ZNF559: variants seen among roughly 807,000 people sequenced by gnomAD.
The protein encoded by ZNF559 is zinc finger protein 559.
A neutral mutation model predicts 14.2 loss-of-function variants in ZNF559; 17 were observed. The ratio of observed to expected loss-of-function variants is 1.20; its 90% confidence interval spans 0.82 to 1.80. The LOEUF is 1.80. Among genes scored for constraint, ZNF559 ranks in the 40% most tolerant of loss-of-function variants. ZNF559 has a pLI of 0.00. For missense variants in ZNF559, 740 were observed against 629.7 expected (o/e 1.18, Z -1.88); for synonymous variants, 244 against 212.4 (o/e 1.15, Z -1.29).
intron 4 of ZNF559, 135 bp downstream of exon 4, chr19:9,338,717 C>T (rs533910910): frequency 1.2e-4 from 78 of 648,340 alleles, no homozygotes; most frequent in Middle Eastern, 3.2e-4. Flanking sequence ...CAAACTTCTT[C>T]GGACCACAGG....
intron 2 of ZNF559, among the ~76,000 whole-genome samples, chr19:9,326,266 C>T (rs1263287872): frequency 6.1e-4 from 93 of 152,148 alleles, no homozygotes; most frequent in East Asian, 5.8e-4. Flanking sequence ...TGTGCCACCA[C>T]GCCCGGCTAA....
Position 9,343,849 on chromosome 19 carries a change from CCT to C in ZNF559, c.*782_*783del. 1 of 964,202 alleles carries C rather than the reference CCT, an allele frequency of 1.0e-6. No homozygotes were observed. Among genetic ancestry groups the C allele is most frequent in the Non-Finnish European group, 1.2e-6 (1 of 810,710 alleles). The allele number at this position is 964,202 out of a possible 1,614,324, so 59.7% of individuals were successfully genotyped here. On this transcript the variant is annotated 3_prime_UTR_variant, in exon 7 of 7. Transcript: ENST00000603380. Reference sequence around the variant, plus strand: ...AAAAATATCTAGCTGGTCTGAAGATCCTGAGTTATCTCAATTGTTCACGGTTA... The same window carrying C: ...AAAAATATCTAGCTGGTCTGAAGATCGAGTTATCTCAATTGTTCACGGTTA...
chr19:9,332,886 G>A (rs997083382), intron 2 of ZNF559: 3 of 152,174 alleles, frequency 2.0e-5, no homozygotes, highest in African/African-American at 4.8e-5. Flanking sequence ...TTGTAGTTAT[G>A]TGGCTTGTGT....
Position 9,324,544 on chromosome 19 carries a change from A to G in ZNF559, c.-205-151A>G, listed in dbSNP as rs980231107. 4.9e-6 allele frequency: 6 copies of G among 1,226,206 alleles called. No individual in the cohort carries two copies. The African/African-American group carries it at 9.4e-5, about 19-fold the overall frequency. The allele number at this position is 1,226,206 out of a possible 1,614,324, so 76.0% of individuals were successfully genotyped here. On this transcript the variant is annotated intron_variant, in intron 1 of 6. Coordinates refer to ENST00000603380, the MANE Select transcript of ZNF559 (RefSeq NM_032497.3). ...GCGGCGGCTCACGCCTGTCATTCCC[A>G]GCGCTTTGGGCGGATTGGGTAGGAG...
At chr19:9,335,357 C>G (rs1328529825) in intron 2 of ZNF559, among the ~76,000 whole-genome samples, 3 of 151,840 alleles carry the variant, frequency 2.0e-5, no homozygotes, top group Non-Finnish European at 4.4e-5. Flanking sequence ...GTCCTAGCTA[C>G]TCAGAAAGCT....
chr19:9,337,022 C>T (rs1016618442), intron 2 of ZNF559, among the ~76,000 whole-genome samples: 1 of 152,166 alleles, frequency 6.6e-6, no homozygotes, highest in African/African-American at 2.4e-5. Flanking sequence ...AGAAACCAGG[C>T]TTCTCTCCCA....
intron 2 of ZNF559, among the ~76,000 whole-genome samples, chr19:9,325,248 C>T (rs1458692417): frequency 1.3e-5 from 2 of 150,230 alleles, no homozygotes; most frequent in Admixed American, 1.3e-4. Context: ...AATTTGATGC[C>T]AACCTGGAAA....
Position 9,342,096 on chromosome 19 carries a change from T to C in ZNF559, c.645T>C (p.His215=), listed in dbSNP as rs763764236. The C allele has an allele frequency of 1.8e-5, 29 of 1,613,426 alleles. No homozygotes were observed. Among genetic ancestry groups the C allele is most frequent in the South Asian group, 4.4e-5 (4 of 90,884 alleles). ...ATGGTGGAGAGAGACCATATACTCA[T>C]AAGGAGTATGTCGAAACCTTTTCTC... ...RIYGGERPYT[H]KEYVETFSHS... Residue 215 remains histidine (H), a synonymous_variant, in exon 7 of 7, where the codon CAT becomes CAC. Transcript: ENST00000603380.
chr19:9,323,825 G>A, upstream of ZNF559: 1 of 305,316 alleles, frequency 3.3e-6, no homozygotes, highest in Non-Finnish European at 6.1e-6. Context: ...AGGAGGTATT[G>A]GGACTCATGA....
chr19:9,335,191 C>T (rs1053874346), intron 2 of ZNF559, among the ~76,000 whole-genome samples: 13 of 151,708 alleles, frequency 8.6e-5, no homozygotes, highest in East Asian at 3.9e-4. Flanking sequence ...TAATCCAGCA[C>T]GTTGGGAGGT....
intron 2 of ZNF559, among the ~76,000 whole-genome samples, chr19:9,326,095 T>TATTC (rs1319168948): frequency 6.7e-6 from 1 of 148,334 alleles, no homozygotes; most frequent in Non-Finnish European, 1.5e-5. Context: ...TTAACTAGAC[T>TATTC]ATTCACCTGA....
chr19:9,329,374 C>T (rs972966762), intron 2 of ZNF559, among the ~76,000 whole-genome samples: 2 of 152,042 alleles, frequency 1.3e-5, no homozygotes, highest in African/African-American at 4.8e-5. Flanking sequence ...GCTTTTTCTT[C>T]TTTCAGATCC....
intron 1 of ZNF559, 134 bp from the exon 2 acceptor site, chr19:9,324,561 G>T: frequency 8.4e-7 from 1 of 1,185,640 alleles, no homozygotes; most frequent in Non-Finnish European, 1.2e-6. Flanking sequence ...TGGGCGGATT[G>T]GGTAGGAGGA....
chr19:9,328,067 A>G (rs913051146), intron 2 of ZNF559, among the ~76,000 whole-genome samples: 3 of 152,166 alleles, frequency 2.0e-5, no homozygotes, highest in African/African-American at 7.2e-5. Flanking sequence ...ATTTATACTC[A>G]TATTCCTATT....
At chr19:9,331,975 TCAAAATACTGTTTTC>T in intron 2 of ZNF559, among the ~76,000 whole-genome samples, 1 of 152,358 alleles carries the variant, frequency 6.6e-6, no homozygotes, top group East Asian at 1.9e-4. Flanking sequence ...GATTATATGT[TCAAAATACTGTTTTC>T]CAAAATCACT....
Position 9,328,048 on chromosome 19 carries a change from A to G in ZNF559, c.-120+3268A>G, listed in dbSNP as rs374760726. 9.2e-5 allele frequency among the ~76,000 whole-genome samples: 14 copies of G among 152,330 alleles called. No individual in the cohort carries two copies. The East Asian group carries it at 2.5e-3, about 27-fold the overall frequency. On this transcript the variant is annotated intron_variant, in intron 2 of 6. Transcript: ENST00000603380. The stretch of plus-strand genomic sequence containing the variant: ...GGACATCTAGAATATGTATTTTCTT[A>G]CATCATACATTTATACTCATATTCC...
intron 1 of ZNF559, chr19:9,324,464 G>T (rs981112603): frequency 1.4e-6 from 2 of 1,424,632 alleles, no homozygotes; most frequent in Admixed American, 2.8e-5. Flanking sequence ...GAGGCGGGGG[G>T]CACGGCCTTT....
At chr19:9,337,937 A>C (rs1320646231) in intron 3 of ZNF559, 79 bp downstream of exon 3, 5 of 1,535,794 alleles carry the variant, frequency 3.3e-6, no homozygotes, top group Non-Finnish European at 4.4e-6. Flanking sequence ...CAGTGTCTCG[A>C]AGAGACTTTG....
chr19:9,332,351 G>GTA (rs1222674389), intron 2 of ZNF559, among the ~76,000 whole-genome samples: 1 of 100,942 alleles, frequency 9.9e-6, no homozygotes, highest in East Asian at 2.6e-4. Context: ...ATGTATGTGT[G>GTA]TGTGTATATA....
Sources: gnomAD v4.1 joint callset for allele counts (sites outside exome capture counted in the v4.1 genomes callset) on GRCh38, gnomAD v4.1.1 for gene constraint, MANE v1.5 for transcripts, NCBI Gene and HGNC (gene_info 2026-07-23, HGNC 2026-07-21) for gene names.